Variants in SAMD12 observed in about 807,000 individuals in gnomAD.
The protein encoded by SAMD12 is sterile alpha motif domain-containing protein 12.
SAMD12 carries 9 observed loss-of-function variants against 15.0 expected under a neutral mutation model. The observed-to-expected ratio is 0.60, with a 90% confidence interval of 0.36 to 1.05. SAMD12 has a LOEUF of 1.05. Ranked by LOEUF, SAMD12 falls within the 50% of genes least tolerant of loss-of-function variation. The pLI is 0.01. For missense variants in SAMD12, 230 were observed against 234.2 expected (o/e 0.98, Z 0.12); for synonymous variants, 86 against 90.1 (o/e 0.96, Z 0.25).
chr8:118,156,471 T>C, the SAMD12 span, among the ~76,000 whole-genome samples: 4 of 152,194 alleles, frequency 2.6e-5, no homozygotes, highest in Non-Finnish European at 4.4e-5. Context: ...CAAGGCTCCA[T>C]GTGGGCCAGA....
At chr8:118,587,891 C>A (rs974427631) in intron 1 of SAMD12, among the ~76,000 whole-genome samples, 1 of 152,164 alleles carries the variant, frequency 6.6e-6, no homozygotes, top group Non-Finnish European at 1.5e-5. Flanking sequence ...TAACCAATAA[C>A]ATAGGATTGT....
At chr8:118,516,763 C>T (rs535158332) in intron 2 of SAMD12, among the ~76,000 whole-genome samples, 13 of 152,020 alleles carry the variant, frequency 8.6e-5, no homozygotes, top group South Asian at 8.3e-4. Context: ...CTCAGCCTCC[C>T]GAGTACCTGG....
chr8:118,321,286 TTTTTTTTTG>T (rs1287741272), intron 4 of SAMD12, among the ~76,000 whole-genome samples: 3 of 87,612 alleles, frequency 3.4e-5, no homozygotes, highest in Non-Finnish European at 6.3e-5. Context: ...AAAGAGGTGT[TTTTTTTTTG>T]TTTTTTTTTT....
intron 2 of SAMD12, among the ~76,000 whole-genome samples, chr8:118,533,831 C>A (rs147317970): frequency 1.3e-5 from 2 of 151,750 alleles, no homozygotes; most frequent in Admixed American, 6.6e-5. Flanking sequence ...TGAGCCTATG[C>A]GTGTCTCTGC....
intron 4 of SAMD12, among the ~76,000 whole-genome samples, chr8:118,372,316 G>C (rs1819145634): frequency 6.6e-6 from 1 of 151,998 alleles, no homozygotes; most frequent in Non-Finnish European, 1.5e-5. Flanking sequence ...TTGAATAAAT[G>C]AGTTAACAGT....
chr8:118,376,351 C>T (rs185605630), downstream of SAMD12, among the ~76,000 whole-genome samples: 166 of 152,128 alleles, frequency 1.1e-3, no homozygotes, highest in African/African-American at 3.6e-3. Flanking sequence ...GGGGCCCTTG[C>T]TTGGTGATCA....
intron 3 of SAMD12, among the ~76,000 whole-genome samples, chr8:118,434,507 CA>C (rs1822515786): frequency 1.3e-5 from 2 of 152,146 alleles, no homozygotes; most frequent in Admixed American, 1.3e-4. Flanking sequence ...GAACCCTTCA[CA>C]GATAGAGGAT....
At chr8:118,529,289 G>A (rs547789240) in intron 2 of SAMD12, among the ~76,000 whole-genome samples, 1 of 152,268 alleles carries the variant, frequency 6.6e-6, no homozygotes, top group East Asian at 1.9e-4. Context: ...CCACTTGGTG[G>A]GCTTTTTATC....
chr8:118,230,618 A>G (rs1812291872), intron 4 of SAMD12, among the ~76,000 whole-genome samples: 1 of 152,252 alleles, frequency 6.6e-6, no homozygotes, highest in Admixed American at 6.5e-5. Flanking sequence ...ACATTCTACA[A>G]TCAGAGGTTT....
intron 4 of SAMD12, among the ~76,000 whole-genome samples, chr8:118,339,526 G>A (rs16890858): frequency 0.21 from 32,121 of 152,158 alleles, 3,920 homozygotes; most frequent in African/African-American, 0.32. Flanking sequence ...CAAAACTCTG[G>A]TGTCTATCCT....
chr8:118,214,207 A>C (rs1811903486), intron 4 of SAMD12, among the ~76,000 whole-genome samples: 1 of 152,250 alleles, frequency 6.6e-6, no homozygotes, highest in Non-Finnish European at 1.5e-5. Flanking sequence ...TATCGTGTCG[A>C]TAGAATAAAA....
At chr8:118,204,221 T>TTA (rs1819798565) in intron 4 of SAMD12, among the ~76,000 whole-genome samples, 1 of 151,614 alleles carries the variant, frequency 6.6e-6, no homozygotes, top group African/African-American at 2.4e-5. Flanking sequence ...AATTAATTAA[T>TTA]ATGTATGGGA....
chr8:118,456,668 G>A (rs1399792808), intron 2 of SAMD12, among the ~76,000 whole-genome samples: 1 of 152,166 alleles, frequency 6.6e-6, no homozygotes, highest in East Asian at 1.9e-4. Flanking sequence ...GTGGCCTTGT[G>A]GATCTGTATT....
intron 4 of SAMD12, among the ~76,000 whole-genome samples, chr8:118,305,555 C>T (rs58037064): frequency 0.024 from 3,598 of 152,224 alleles, 117 homozygotes; most frequent in African/African-American, 0.077. Flanking sequence ...GCTGTTTCCA[C>T]CTTTTGTCTA....
intron 3 of SAMD12, among the ~76,000 whole-genome samples, chr8:118,436,327 T>A (rs1339176333): frequency 6.6e-6 from 1 of 152,192 alleles, no homozygotes; most frequent in Non-Finnish European, 1.5e-5. Context: ...TTAAGATAAA[T>A]ATTATTTTAC....
intron 4 of SAMD12, among the ~76,000 whole-genome samples, chr8:118,211,776 G>A (rs764225765): frequency 2.6e-5 from 4 of 151,994 alleles, no homozygotes; most frequent in Non-Finnish European, 4.4e-5. Context: ...CCCTCCAGAC[G>A]GTTAGTGTTT....
chr8:118,154,551 T>C, the SAMD12 span, among the ~76,000 whole-genome samples: 4 of 152,186 alleles, frequency 2.6e-5, no homozygotes, highest in African/African-American at 9.7e-5. Context: ...CATAAATAAC[T>C]TTCTGCACAA....
At chr8:118,340,824 T>A (rs997494217) in intron 4 of SAMD12, among the ~76,000 whole-genome samples, 2 of 152,118 alleles carry the variant, frequency 1.3e-5, no homozygotes, top group African/African-American at 4.8e-5. Flanking sequence ...AGACTGAAAT[T>A]TAAATAAACA....
chr8:118,174,727 G>T, the SAMD12 span, among the ~76,000 whole-genome samples: 1 of 151,978 alleles, frequency 6.6e-6, no homozygotes, highest in South Asian at 2.1e-4. Context: ...ATTTTATATG[G>T]ATAAATTTCA....
Sources: allele counts gnomAD v4.1 joint callset (sites outside exome capture counted in the v4.1 genomes callset), GRCh38; gene constraint gnomAD v4.1.1; transcripts MANE v1.5; gene names NCBI Gene and HGNC (gene_info 2026-07-23, HGNC 2026-07-21).